Variants in CLK3 observed in about 807,000 individuals in gnomAD.
The protein encoded by CLK3 is CDC like kinase 3, also known as dual specificity protein kinase CLK3.
A neutral mutation model predicts 65.2 loss-of-function variants in CLK3; 24 were observed. The observed-to-expected ratio is 0.37, with a 90% confidence interval of 0.27 to 0.52. The LOEUF is 0.52. Among genes scored for constraint, CLK3 ranks in the 20% least tolerant of loss-of-function variants. The pLI is 0.92. For synonymous variants in CLK3, 252 were observed against 240.8 expected, an observed-to-expected ratio of 1.05 and a Z score of -0.43; for missense variants, 506 against 660.0, an observed-to-expected ratio of 0.77 and a Z score of 2.56.
Position 74,625,919 on chromosome 15 carries a change from C to T in CLK3, c.768C>T (p.Pro256=), listed in dbSNP as rs755457905. ...FLKENNFQPY[P]LPHVRHMAYQ... is the part of the protein sequence containing the mutation. ...AGGAGAATAACTTCCAGCCTTACCC[C>T]CTACCACATGTCCGGCACATGGCCT... Residue 256 remains proline (P), a synonymous_variant, in exon 7 of 13, where the codon CCC becomes CCT. Transcript: ENST00000395066. 2 of 1,614,026 alleles carry T rather than the reference C, an allele frequency of 1.2e-6. No individual in the cohort carries two copies. Among genetic ancestry groups the T allele is most frequent in the Non-Finnish European group, 1.7e-6 (2 of 1,180,008 alleles).
In CLK3 at chr15:74,610,231, C is replaced by T. The variant is rs144765888; in HGVS notation, c.-1+1805C>T. ...CCACTTCTGTCTGCAGCAGCAGGAT[C>T]CTGTGGGTAGAAGGGATGGTCTGCC... On this transcript the variant is annotated intron_variant, in intron 1 of 12. Transcript: ENST00000345005. Among the ~76,000 whole-genome samples the T allele has an allele frequency of 3.0e-3, 463 of 152,382 alleles. 2 individuals are homozygous for T. Among genetic ancestry groups the T allele is most frequent in the Non-Finnish European group, 5.0e-3 (341 of 68,034 alleles).
chr15:74,612,605 C>G (rs1212737961), upstream of CLK3, among the ~76,000 whole-genome samples: 1 of 152,186 alleles, frequency 6.6e-6, no homozygotes, highest in Non-Finnish European at 1.5e-5. Flanking sequence ...CTCCCCACTC[C>G]TCACATTCCC....
In CLK3 at chr15:74,625,862, G is replaced by A. The variant is rs751565626; in HGVS notation, c.711G>A (p.Glu237=). The part of the protein sequence containing the change: ...NFHGHMCIAF[E]LLGKNTFEFL... ...ACGGTCACATGTGCATCGCCTTTGA[G>A]CTCCTGGGCAAGAACACCTTTGAGT... Residue 237 remains glutamate, a synonymous_variant, in exon 7 of 13, where the codon GAG becomes GAA. Transcript: ENST00000395066. 3.7e-6 allele frequency: 6 copies of A among 1,614,152 alleles called. No individual in the cohort carries two copies. The highest frequency in any genetic ancestry group is 4.2e-6 in the Non-Finnish European group (5 of 1,180,026).
At chr15:74,612,862 A>T (rs1002073343), upstream of CLK3, among the ~76,000 whole-genome samples, 1 of 152,200 alleles carries the variant, frequency 6.6e-6, no homozygotes, top group South Asian at 2.1e-4. Flanking sequence ...CTGTCTTGCC[A>T]GTTAGAAGTG....
chr15:74,627,838 G>A lies in CLK3; in HGVS notation c.1043-132G>A. On this transcript the variant is annotated intron_variant, in intron 9 of 12. Coordinates refer to ENST00000395066, the MANE Select transcript of CLK3 (RefSeq NM_001130028.2). The surrounding 1 kb of genome is among the most constrained non-coding windows in gnomAD (Gnocchi z 4.3). ...GTGACTGACCTGGCTTTATCTGTCAGCCTTACTGAGAGAGGGCCTCGTACT... is the reference window on the plus strand; with the variant it reads ...GTGACTGACCTGGCTTTATCTGTCAACCTTACTGAGAGAGGGCCTCGTACT... 8.3e-7 allele frequency: 1 copy of A among 1,205,174 alleles called. No individual in the cohort carries two copies. Among genetic ancestry groups the A allele is most frequent in the South Asian group, 1.3e-5 (1 of 75,440 alleles). The allele number at this position is 1,205,174 out of a possible 1,614,324, so 74.7% of individuals were successfully genotyped here. A position where few individuals can be genotyped will look rare whatever the true frequency, so the allele number is the denominator to read the frequency against.
chr15:74,617,737 G>A (rs1295509021), intron 1 of CLK3, among the ~76,000 whole-genome samples: 8 of 152,226 alleles, frequency 5.3e-5, no homozygotes, highest in Non-Finnish European at 1.2e-4. Context: ...CTTGCCTTGT[G>A]GCACGACATG....
chr15:74,615,016 G>A (rs1322607861), upstream of CLK3: 1 of 172,928 alleles, frequency 5.8e-6, no homozygotes, highest in Non-Finnish European at 1.2e-5. Context: ...TGGAAAGTGG[G>A]GCCTCGTAAT....
upstream of CLK3, chr15:74,615,724 A>G (rs2062049949): frequency 8.1e-7 from 1 of 1,238,338 alleles, no homozygotes; most frequent in African/African-American, 1.6e-5. Flanking sequence ...GGTGCCCCGG[A>G]GCCTTCGAGT....
At chr15:74,615,704 G>A (rs1465631416), upstream of CLK3, 7 of 1,238,856 alleles carry the variant, frequency 5.7e-6, no homozygotes, top group East Asian at 1.3e-4. Context: ...CCGCCGGAGC[G>A]GAGAGGGCTG....
chr15:74,615,969 G>T, intron 1 of CLK3, 71 bp downstream of exon 1: 1 of 1,116,418 alleles, frequency 9.0e-7, no homozygotes, highest in Non-Finnish European at 1.1e-6. Context: ...CGGGGCAGGC[G>T]CGCTGGTGCC....
At chr15:74,608,496 G>C (rs920015965) in intron 1 of CLK3, 1 of 151,932 alleles carries the variant, frequency 6.6e-6, no homozygotes, top group African/African-American at 2.4e-5. Context: ...GAACTAGGAG[G>C]GGGAGTGGGG....
intron 11 of CLK3, 28 bp downstream of exon 11, chr15:74,628,711 T>A (rs757452344): frequency 6.3e-7 from 1 of 1,584,486 alleles, no homozygotes; most frequent in Non-Finnish European, 8.6e-7. Flanking sequence ...CCCCTCAGGG[T>A]TGGTATAGAG....
Position 74,625,029 on chromosome 15 carries a change from G to C in CLK3, c.650+11G>C. ...CAAAGAAAACAAGTTGTGAGTATCT[G>C]CAAGGAGTGGGAGGGAAGCCTTCAG... On this transcript the variant is annotated intron_variant, in intron 6 of 12. Transcript: ENST00000395066. 1 of 1,597,136 alleles carries C rather than the reference G, an allele frequency of 6.3e-7. No individual in the cohort carries two copies. Among genetic ancestry groups the C allele is most frequent in the South Asian group, 1.1e-5 (1 of 90,754 alleles).
At chr15:74,617,019 A>G (rs976032774) in intron 1 of CLK3, among the ~76,000 whole-genome samples, 1 of 152,246 alleles carries the variant, frequency 6.6e-6, no homozygotes, top group Admixed American at 6.5e-5. Context: ...AATGGGCCCT[A>G]GAGCCCTGGC....
chr15:74,615,709 G>A (rs1489737530), upstream of CLK3: 13 of 1,238,904 alleles, frequency 1.0e-5, no homozygotes, highest in Admixed American at 4.2e-5. Flanking sequence ...GGAGCGGAGA[G>A]GGCTGGTGCC....
intron 7 of CLK3, chr15:74,626,873 T>A: frequency 7.3e-6 from 3 of 409,458 alleles, no homozygotes; most frequent in South Asian, 5.4e-5. Context: ...TCTTCCTGGG[T>A]ATGCGACCTG....
Position 74,619,235 on chromosome 15 carries a change from C to G in CLK3, c.39C>G (p.Asp13Glu). 1 of 1,614,178 alleles carries G rather than the reference C, an allele frequency of 6.2e-7. No individual in the cohort carries two copies. Among genetic ancestry groups the G allele is most frequent in the Non-Finnish European group, 8.5e-7 (1 of 1,180,018 alleles). Residue 13 changes from aspartate to glutamate, a missense_variant, in exon 2 of 13, where the codon GAC becomes GAG. By Grantham distance (45) the Asp-to-Glu change is conservative. Around this residue, in one of 2 missense-constraint regions of CLK3, gnomAD observed 181 missense variants for 159.4 expected, o/e 1.14. Coordinates refer to ENST00000395066, the MANE Select transcript of CLK3 (RefSeq NM_001130028.2). ...AGCGATACCGCTCCCCTGAACCAGA[C>G]CCGTACCTGAGCTACCGATGGAAGA... The part of the protein sequence containing the change: ...HCKRYRSPEP[D>E]PYLSYRWKRR...
In CLK3 at chr15:74,619,277, T is replaced by G; in HGVS notation, c.81T>G (p.Ser27Arg). Residue 27 changes from serine to arginine, a missense_variant, in exon 2 of 13, where the codon AGT becomes AGG. Physicochemically the swap from Ser to Arg is moderately radical, Grantham distance 110. This residue lies in a region of CLK3 where 181 missense variants were observed against 159.4 expected (regional missense o/e 1.14). Coordinates refer to ENST00000395066, the MANE Select transcript of CLK3 (RefSeq NM_001130028.2). ...GATGGAAGAGGAGGAGGTCCTACAG[T>G]CGGGAACATGAAGGGAGACTGCGAT... ...SYRWKRRRSYSREHEGRLRYP... is the reference protein window; with the variant it reads ...SYRWKRRRSYRREHEGRLRYP... 1 of 1,613,972 alleles carries G rather than the reference T, an allele frequency of 6.2e-7. No individual in the cohort carries two copies. Among genetic ancestry groups the G allele is most frequent in the African/African-American group, 1.3e-5 (1 of 74,936 alleles).
At chr15:74,623,667 G>C (rs1248956366) in intron 5 of CLK3, 1 of 152,308 alleles carries the variant, frequency 6.6e-6, no homozygotes, top group Non-Finnish European at 1.5e-5. Context: ...CAACAGCCGG[G>C]ATGCATGTAG....
Sources: allele counts gnomAD v4.1 joint callset (sites outside exome capture counted in the v4.1 genomes callset), GRCh38; gene constraint gnomAD v4.1.1; regional missense constraint gnomAD v4.1.1; non-coding constraint Gnocchi (gnomAD v3.1); transcripts MANE v1.5; gene names NCBI Gene and HGNC (gene_info 2026-07-23, HGNC 2026-07-21).